The following POU2F3 variants were observed in gnomAD, a reference collection of about 807,000 sequenced individuals.
The protein encoded by POU2F3 is POU class 2 homeobox 3.
Under a neutral mutation model 59.2 loss-of-function variants are expected in POU2F3, and 23 were observed. That is an observed-to-expected ratio of 0.39 (90% CI 0.28 to 0.55). The LOEUF is 0.55. Ranked by LOEUF, POU2F3 falls within the 20% of genes least tolerant of loss-of-function variation. The pLI, the probability that POU2F3 is intolerant of heterozygous loss-of-function variation, is 0.66. For missense variants in POU2F3, 473 were observed against 544.5 expected (o/e 0.87, Z 1.31); for synonymous variants, 190 against 214.6 (o/e 0.89, Z 1.00).
chr11:120,270,971 G>A (rs1410425699), intron 3 of POU2F3, among the ~76,000 whole-genome samples: 1 of 152,182 alleles, frequency 6.6e-6, no homozygotes, highest in Non-Finnish European at 1.5e-5. Context: ...TGGGATTACA[G>A]GTGTGACCCA....
At chr11:120,252,075 T>G (rs1247220552) in intron 2 of POU2F3, among the ~76,000 whole-genome samples, 1 of 151,944 alleles carries the variant, frequency 6.6e-6, no homozygotes, top group East Asian at 1.9e-4. Context: ...ATTACAGGCG[T>G]GAGCCACCGC....
intron 3 of POU2F3, among the ~76,000 whole-genome samples, chr11:120,290,135 C>A (rs1387745826): frequency 1.3e-5 from 2 of 152,166 alleles, no homozygotes; most frequent in African/African-American, 2.4e-5. Context: ...CACAGGAGTA[C>A]AAGAGACAAG....
intron 3 of POU2F3, among the ~76,000 whole-genome samples, chr11:120,289,771 G>T (rs1243238467): frequency 6.6e-6 from 1 of 152,126 alleles, no homozygotes; most frequent in Non-Finnish European, 1.5e-5. Flanking sequence ...TTTCTTCCGA[G>T]AGCCTTCTTC....
intron 4 of POU2F3, among the ~76,000 whole-genome samples, chr11:120,299,053 A>T (rs1941270853): frequency 6.6e-6 from 1 of 152,126 alleles, no homozygotes; most frequent in Non-Finnish European, 1.5e-5. Flanking sequence ...CAAGCATCGG[A>T]ATTATTAGTC....
At position 120,241,461 on chromosome 11, in the gene POU2F3, C is replaced by A. The variant is rs569181214; in HGVS notation, c.28+1090C>A. 2.7e-3 allele frequency among the ~76,000 whole-genome samples: 404 copies of A among 152,306 alleles called. 2 individuals carry two copies. Among genetic ancestry groups the A allele is most frequent in the African/African-American group, 9.3e-3 (385 of 41,564 alleles). On this transcript the variant is annotated intron_variant, in intron 1 of 12. Coordinates refer to ENST00000543440, the MANE Select transcript of POU2F3 (RefSeq NM_014352.4). ...GTGCCCAGTTCCCCAGATGCTGTTTCCTGGCAGGGCTGAGTGAGAGGCAGA... is the reference window on the plus strand; with the variant it reads ...GTGCCCAGTTCCCCAGATGCTGTTTACTGGCAGGGCTGAGTGAGAGGCAGA...
At chr11:120,305,402 A>T in intron 7 of POU2F3, 190 bp downstream of exon 7, 7 of 886,820 alleles carry the variant, frequency 7.9e-6, no homozygotes, top group Non-Finnish European at 1.2e-5. Context: ...GGTGGAGGAG[A>T]ATGAGAGGTG....
chr11:120,271,487 G>T (rs1371989035), intron 3 of POU2F3, among the ~76,000 whole-genome samples: 2 of 152,218 alleles, frequency 1.3e-5, no homozygotes, highest in Non-Finnish European at 2.9e-5. Context: ...TGAGGACTCA[G>T]GTTTCCCCAG....
intron 2 of POU2F3, chr11:120,257,061 T>C (rs1331693199): frequency 6.6e-6 from 1 of 152,256 alleles, no homozygotes; most frequent in Non-Finnish European, 1.5e-5. Flanking sequence ...CTGTCCTGTG[T>C]ATAAAATGTT....
chr11:120,254,503 T>TC lies in POU2F3; in HGVS notation c.97+7992dup, dbSNP rs75481120. Among the ~76,000 whole-genome samples the TC allele has an allele frequency of 0.049, 7,412 of 152,118 alleles. 1,090 individuals carry two copies. In the East Asian group the frequency reaches 0.6, roughly 12 times the overall value. Reference sequence around the variant, plus strand: ...TTGTTATGGGTCTGTGGAGACCACTTCCCCCCGGAAGGGCTTGCCCAGGAT... The same window carrying TC: ...TTGTTATGGGTCTGTGGAGACCACTTCCCCCCCGGAAGGGCTTGCCCAGGAT... On this transcript the variant is annotated intron_variant, in intron 2 of 12. Transcript: ENST00000543440.
chr11:120,237,395 C>G (rs1291211200), upstream of POU2F3, among the ~76,000 whole-genome samples: 2 of 152,132 alleles, frequency 1.3e-5, no homozygotes, highest in Non-Finnish European at 2.9e-5. Flanking sequence ...AGCTGTGCCT[C>G]CAGCTGTGAA....
At chr11:120,238,300 G>A (rs191099966), upstream of POU2F3, among the ~76,000 whole-genome samples, 10 of 152,246 alleles carry the variant, frequency 6.6e-5, no homozygotes, top group Admixed American at 1.3e-4. Flanking sequence ...TTTCGGGAGC[G>A]TGGGGAAGGG....
upstream of POU2F3, chr11:120,236,781 G>A (rs114464433): frequency 1.7e-5 from 23 of 1,363,394 alleles, no homozygotes; most frequent in African/African-American, 1.6e-4. Context: ...GAGAGAGAAG[G>A]AATAAAGATT....
At chr11:120,247,214 GATGAGT>G in intron 2 of POU2F3, among the ~76,000 whole-genome samples, 1 of 152,292 alleles carries the variant, frequency 6.6e-6, no homozygotes, top group East Asian at 1.9e-4. Flanking sequence ...AGAACTTAAA[GATGAGT>G]ATAAATTGTA....
chr11:120,281,122 C>G (rs1940552012), intron 3 of POU2F3, among the ~76,000 whole-genome samples: 1 of 152,122 alleles, frequency 6.6e-6, no homozygotes, highest in Non-Finnish European at 1.5e-5. Flanking sequence ...CTTCCTTCCC[C>G]CTAGTCTGAC....
chr11:120,297,355 A>G (rs2135276532), intron 3 of POU2F3, among the ~76,000 whole-genome samples: 1 of 152,298 alleles, frequency 6.6e-6, no homozygotes, highest in Middle Eastern at 3.4e-3. Flanking sequence ...TGGAGACTGG[A>G]GAGAGGTTGG....
rs761726240 is a variant in POU2F3, at chr11:120,309,487, G to A, written c.969G>A (p.Glu323=). The change falls in exon 10 of 13, where the codon GAG becomes GAA. Residue 323 remains glutamate (E), a synonymous_variant. Coordinates refer to ENST00000543440, the MANE Select transcript of POU2F3 (RefSeq NM_014352.4). ...MIAEQLSMEK[E]VVRVWFCNRR... ...CAGAGCAGTTGTCCATGGAGAAGGA[G>A]GTGGTGAGGGTCTGGTTCTGCAACC... 2 of 1,614,072 alleles carry A rather than the reference G, an allele frequency of 1.2e-6. No individual in the cohort carries two copies. The highest frequency in any genetic ancestry group is 1.7e-6 in the Non-Finnish European group (2 of 1,179,944).
At chr11:120,246,558 AAG>A in intron 2 of POU2F3, 41 bp downstream of exon 2, 1 of 1,599,538 alleles carries the variant, frequency 6.3e-7, no homozygotes, top group Non-Finnish European at 8.5e-7. Flanking sequence ...GGGTGGGGGG[AAG>A]AGAGTTGTTG....
At chr11:120,241,835 G>A (rs1034115527) in intron 1 of POU2F3, among the ~76,000 whole-genome samples, 9 of 152,098 alleles carry the variant, frequency 5.9e-5, no homozygotes, top group African/African-American at 1.4e-4. Flanking sequence ...GACCCAGCAG[G>A]GAGGCAGCCT....
Position 120,305,074 on chromosome 11 carries a change from C to G in POU2F3, c.489C>G (p.His163Gln). ...TGCCAGGATCCTCTTTAGAACCCCA[C>G]CTGGAAGCATCCCAGCATCTCCCAG... is the stretch of plus-strand genomic sequence containing the variant. ...PGLPGSSLEPHLEASQHLPVP... is the reference protein window; with the variant it reads ...PGLPGSSLEPQLEASQHLPVP... Residue 163 changes from histidine (H) to glutamine (Q), a missense_variant, in exon 7 of 13, where the codon CAC (histidine) becomes CAG (glutamine). Transcript: ENST00000543440. 1 of 1,613,794 alleles carries G rather than the reference C, an allele frequency of 6.2e-7. No homozygotes were observed. The highest frequency in any genetic ancestry group is 8.5e-7 in the Non-Finnish European group (1 of 1,179,938).
Sources: gnomAD v4.1 joint callset for allele counts (sites outside exome capture counted in the v4.1 genomes callset) on GRCh38, gnomAD v4.1.1 for gene constraint, MANE v1.5 for transcripts, NCBI Gene and HGNC (gene_info 2026-07-23, HGNC 2026-07-21) for gene names.